Variants in C1orf21 observed in about 807,000 individuals in gnomAD.
C1orf21 encodes chromosome 1 open reading frame 21.
A neutral mutation model predicts 18.7 loss-of-function variants in C1orf21; 3 were observed. The observed-to-expected ratio is 0.16, with a 90% confidence interval of 0.07 to 0.42. The LOEUF (loss-of-function observed/expected upper bound fraction) is 0.42, where lower values mean the gene tolerates loss of function less well. C1orf21 is among the 10% of genes least tolerant of loss of function. C1orf21 has a pLI of 0.99. For synonymous variants in C1orf21, 41 were observed against 46.4 expected, an observed-to-expected ratio of 0.88 and a Z score of 0.47; for missense variants, 104 against 143.6, an observed-to-expected ratio of 0.72 and a Z score of 1.41.
chr1:184,547,799 GA>G (rs1435527370), intron 3 of C1orf21, among the ~76,000 whole-genome samples: 2 of 152,088 alleles, frequency 1.3e-5, no homozygotes, highest in Non-Finnish European at 2.9e-5. Flanking sequence ...CTCCTCTCTA[GA>G]AAAAAGGTGT....
intron 3 of C1orf21, among the ~76,000 whole-genome samples, chr1:184,554,573 G>C (rs115605783): frequency 6.6e-6 from 1 of 152,134 alleles, no homozygotes. Context: ...TAAAATTGAC[G>C]TAGTTTAGTG....
intron 1 of C1orf21, among the ~76,000 whole-genome samples, chr1:184,454,279 G>A (rs1321032171): frequency 6.6e-5 from 10 of 152,174 alleles, no homozygotes; most frequent in Non-Finnish European, 1.0e-4. Context: ...GCTTATCAAG[G>A]TATATGTAAA....
chr1:184,435,943 T>G (rs563977474), intron 1 of C1orf21, among the ~76,000 whole-genome samples: 21 of 151,768 alleles, frequency 1.4e-4, no homozygotes, highest in Non-Finnish European at 2.5e-4. Flanking sequence ...GAGGTGGAGG[T>G]GGAGTACCAT....
chr1:184,576,043 G>A (rs553557998), intron 3 of C1orf21, among the ~76,000 whole-genome samples: 8 of 152,288 alleles, frequency 5.3e-5, no homozygotes, highest in Non-Finnish European at 8.8e-5. Flanking sequence ...TCAGGCCCAA[G>A]CCTGATCAGC....
intron 3 of C1orf21, among the ~76,000 whole-genome samples, chr1:184,518,437 T>C (rs1658261095): frequency 1.3e-5 from 2 of 152,238 alleles, no homozygotes; most frequent in Admixed American, 6.5e-5. Flanking sequence ...ACAGCATGCT[T>C]GTGGGTGTAG....
At chr1:184,507,901 A>G (rs1658088201) in intron 3 of C1orf21, among the ~76,000 whole-genome samples, 1 of 152,216 alleles carries the variant, frequency 6.6e-6, no homozygotes, top group African/African-American at 2.4e-5. Flanking sequence ...TCCATAAAAT[A>G]TAGCAAAATT....
intron 2 of C1orf21, among the ~76,000 whole-genome samples, chr1:184,482,188 T>A (rs1657668827): frequency 6.6e-6 from 1 of 152,194 alleles, no homozygotes; most frequent in African/African-American, 2.4e-5. Context: ...GTCATGCAGC[T>A]GCATACAGCT....
In C1orf21 at chr1:184,624,622, G is replaced by A. The variant is rs908760058; in HGVS notation, c.*5066G>A. 3 of 152,202 alleles carry A rather than the reference G, an allele frequency of 2.0e-5. No individual in the cohort carries two copies. The highest frequency in any genetic ancestry group is 6.5e-5 in the Admixed American group (1 of 15,282). The allele number at this position is 152,202 out of a possible 1,614,324, so 9.4% of individuals were successfully genotyped here. A position where few individuals can be genotyped will look rare whatever the true frequency, so the allele number is the denominator to read the frequency against. On this transcript the variant is annotated 3_prime_UTR_variant, in exon 6 of 6. Transcript: ENST00000235307. ...CTGACTTGCATTGAAATCCTTTCTT[G>A]TGGGCTAGGGTTTGATGTCTCTTTT...
chr1:184,611,953 ACT>A (rs1254292323), intron 5 of C1orf21, among the ~76,000 whole-genome samples: 1 of 152,156 alleles, frequency 6.6e-6, no homozygotes, highest in Non-Finnish European at 1.5e-5. Flanking sequence ...AGAATTCACC[ACT>A]GTGTCATTTA....
At chr1:184,609,582 C>T (rs999460184) in intron 5 of C1orf21, among the ~76,000 whole-genome samples, 2 of 152,148 alleles carry the variant, frequency 1.3e-5, no homozygotes, top group Non-Finnish European at 2.9e-5. Context: ...TCCCAGGTTT[C>T]CTGGCTTGAG....
chr1:184,411,475 G>T (rs1656352486), intron 1 of C1orf21, among the ~76,000 whole-genome samples: 1 of 139,380 alleles, frequency 7.2e-6, no homozygotes, highest in African/African-American at 2.8e-5. Flanking sequence ...AGGCTGGAGT[G>T]CAGTGGTGCA....
At chr1:184,443,537 T>C (rs966783271) in intron 1 of C1orf21, among the ~76,000 whole-genome samples, 1 of 152,206 alleles carries the variant, frequency 6.6e-6, no homozygotes, top group African/African-American at 2.4e-5. Flanking sequence ...AAAAGAAAAT[T>C]TCCTTTTAAA....
At chr1:184,498,688 C>T (rs1657929278) in intron 2 of C1orf21, among the ~76,000 whole-genome samples, 1 of 152,102 alleles carries the variant, frequency 6.6e-6, no homozygotes, top group East Asian at 1.9e-4. Context: ...TTCATATTTG[C>T]TGTTATTGCA....
intron 3 of C1orf21, among the ~76,000 whole-genome samples, chr1:184,588,825 A>T (rs1223719940): frequency 6.6e-6 from 1 of 152,186 alleles, no homozygotes; most frequent in Admixed American, 6.5e-5. Context: ...TTTTGGAATT[A>T]TATGGGAAAT....
At chr1:184,596,946 T>C (rs1225748969) in intron 4 of C1orf21, among the ~76,000 whole-genome samples, 1 of 151,550 alleles carries the variant, frequency 6.6e-6, no homozygotes, top group Non-Finnish European at 1.5e-5. Context: ...ATTATAAGAA[T>C]ATGAAATTTA....
chr1:184,472,193 A>G (rs1460242605), intron 1 of C1orf21, among the ~76,000 whole-genome samples: 1 of 152,124 alleles, frequency 6.6e-6, no homozygotes, highest in Non-Finnish European at 1.5e-5. Flanking sequence ...TTTCTTCAAT[A>G]AAAGAGAGGA....
At position 184,601,900 on chromosome 1, in the gene C1orf21, C is replaced by CA. The variant is rs1179689042; in HGVS notation, c.327+3450dup. On this transcript the variant is annotated intron_variant, in intron 5 of 5. Transcript: ENST00000235307. The stretch of plus-strand genomic sequence containing the variant: ...TGGGTGACACAGCAAGACTCCATCT[C>CA]AAAAAAAAAAATAATAAAATAAAAT... Among the ~76,000 whole-genome samples the CA allele has an allele frequency of 9.8e-3, 1,387 of 142,112 alleles. 15 individuals are homozygous for CA. Among genetic ancestry groups the CA allele is most frequent in the African/African-American group, 0.033 (1,257 of 38,620 alleles). 93.2% of individuals were successfully genotyped at this position (142,112 alleles called of 152,430 possible).
intron 1 of C1orf21, among the ~76,000 whole-genome samples, chr1:184,477,178 A>G (rs936951007): frequency 1.3e-5 from 2 of 152,180 alleles, no homozygotes; most frequent in Admixed American, 1.3e-4. Flanking sequence ...GCATAGGGAC[A>G]TGCCTTTCCA....
intron 3 of C1orf21, among the ~76,000 whole-genome samples, chr1:184,518,350 A>T (rs1417296744): frequency 6.6e-6 from 1 of 152,192 alleles, no homozygotes; most frequent in Non-Finnish European, 1.5e-5. Context: ...TATAATGATT[A>T]TTGTTATTGC....
Sources: gnomAD v4.1 joint callset for allele counts (sites outside exome capture counted in the v4.1 genomes callset) on GRCh38, gnomAD v4.1.1 for gene constraint, MANE v1.5 for transcripts, NCBI Gene and HGNC (gene_info 2026-07-23, HGNC 2026-07-21) for gene names.